Variants in MAP4 observed in about 807,000 individuals in gnomAD.
MAP4 encodes microtubule-associated protein 4.
A neutral mutation model predicts 170.2 loss-of-function variants in MAP4; 76 were observed. The ratio of observed to expected loss-of-function variants is 0.45; its 90% CI spans 0.37 to 0.54. The LOEUF is 0.54. Ranked by LOEUF, MAP4 falls within the 20% of genes least tolerant of loss-of-function variation. The pLI, the probability that MAP4 is intolerant of heterozygous loss-of-function variation, is 0.00. For missense variants in MAP4, 2,506 were observed against 2,748.0 expected (o/e 0.91, Z 1.97); for synonymous variants, 909 against 994.5 (o/e 0.91, Z 1.62).
At chr3:47,993,568 C>T (rs2100093640) in intron 2 of MAP4, among the ~76,000 whole-genome samples, 1 of 152,174 alleles carries the variant, frequency 6.6e-6, no homozygotes, top group Admixed American at 6.5e-5. Context: ...TGGTTGCATC[C>T]AGATGAGCTG....
chr3:47,896,490 T>C (rs532391639), intron 10 of MAP4, among the ~76,000 whole-genome samples: 1 of 152,046 alleles, frequency 6.6e-6, no homozygotes, highest in Admixed American at 6.5e-5. Flanking sequence ...GATCATGCCA[T>C]TGCACTCCAG....
intron 5 of MAP4, among the ~76,000 whole-genome samples, chr3:47,920,568 T>A (rs866263765): frequency 0.055 from 5,124 of 93,294 alleles, 313 homozygotes; most frequent in African/African-American, 0.19. Flanking sequence ...TTTTTTTTTT[T>A]AAGACAGGGT....
intron 1 of MAP4, among the ~76,000 whole-genome samples, chr3:48,066,299 AACTC>A (rs1235434087): frequency 6.6e-6 from 1 of 152,142 alleles, no homozygotes; most frequent in Non-Finnish European, 1.5e-5. Context: ...AACATGAGGA[AACTC>A]ACTATCTTAT....
At chr3:47,926,651 C>T (rs2100046166) in intron 4 of MAP4, among the ~76,000 whole-genome samples, 1 of 152,190 alleles carries the variant, frequency 6.6e-6, no homozygotes, top group African/African-American at 2.4e-5. Context: ...TCCCCCACCC[C>T]AGCCTCCCGA....
At chr3:47,860,556 G>A (rs1185699761) in intron 17 of MAP4, among the ~76,000 whole-genome samples, 1 of 152,178 alleles carries the variant, frequency 6.6e-6, no homozygotes, top group African/African-American at 2.4e-5. Context: ...CTTTTGTCTA[G>A]TATGCAATTA....
chr3:47,940,075 T>C (rs2100055332), intron 3 of MAP4, among the ~76,000 whole-genome samples: 2 of 152,094 alleles, frequency 1.3e-5, no homozygotes, highest in Non-Finnish European at 2.9e-5. Context: ...TGACCTCAGG[T>C]GAGCCACCCG....
At chr3:47,951,516 G>A (rs2100063838) in intron 3 of MAP4, among the ~76,000 whole-genome samples, 1 of 152,222 alleles carries the variant, frequency 6.6e-6, no homozygotes, top group Admixed American at 6.5e-5. Flanking sequence ...CGCCTGACTG[G>A]TTTTCGTATT....
At chr3:48,071,446 G>A (rs2100140984) in intron 1 of MAP4, among the ~76,000 whole-genome samples, 1 of 152,032 alleles carries the variant, frequency 6.6e-6, no homozygotes, top group South Asian at 2.1e-4. Flanking sequence ...TACCCATAAG[G>A]CTGAAGTTGG....
rs554579879 is a variant in MAP4 at position 47,857,913 on chromosome 3, T to C, written c.6502-401A>G. Among the ~76,000 whole-genome samples, 95 of 152,202 alleles carry C rather than the reference T, an allele frequency of 6.2e-4. 1 individual carries two copies. Among genetic ancestry groups the C allele is most frequent in the Non-Finnish European group, 1.1e-3 (74 of 68,002 alleles). On this transcript the variant is annotated intron_variant, in intron 17 of 20. Transcript: ENST00000683076. ...TTAGTAGAGACAAGGTTTCACCATG[T>C]TGGCCAGGCTGGTCTCGAACTCCTG...
intron 3 of MAP4, among the ~76,000 whole-genome samples, chr3:47,934,167 G>A (rs2100051454): frequency 6.6e-6 from 1 of 152,184 alleles, no homozygotes; most frequent in Non-Finnish European, 1.5e-5. Flanking sequence ...TAATCTACTG[G>A]TGGTGACCAG....
At chr3:47,876,818 T>G (rs2095530695) in intron 11 of MAP4, 1 of 152,222 alleles carries the variant, frequency 6.6e-6, no homozygotes, top group Non-Finnish European at 1.5e-5. Flanking sequence ...GAGATAATAG[T>G]AAATAATTCA....
intron 17 of MAP4, 113 bp from the exon 18 acceptor site, chr3:47,857,625 G>T: frequency 1.4e-6 from 1 of 716,242 alleles, no homozygotes. Context: ...CCCTCTGTAA[G>T]CTGCTATCTC....
chr3:47,930,885 C>A (rs546421850), intron 3 of MAP4, among the ~76,000 whole-genome samples: 45 of 148,578 alleles, frequency 3.0e-4, no homozygotes, highest in Admixed American at 2.8e-3. Flanking sequence ...GCGGAGATCA[C>A]GCCACTGCAC....
chr3:47,993,655 C>G (rs1345630976), intron 2 of MAP4, among the ~76,000 whole-genome samples: 1 of 152,196 alleles, frequency 6.6e-6, no homozygotes, highest in Non-Finnish European at 1.5e-5. Context: ...AGAATTGTAA[C>G]AGGAGATGAA....
intron 3 of MAP4, among the ~76,000 whole-genome samples, chr3:47,972,802 C>T (rs1435157417): frequency 6.6e-6 from 1 of 151,600 alleles, no homozygotes; most frequent in Non-Finnish European, 1.5e-5. Flanking sequence ...AGGAGAATGG[C>T]GTGAACCCGG....
chr3:48,036,393 C>T (rs1018173829), intron 1 of MAP4, among the ~76,000 whole-genome samples: 17 of 152,228 alleles, frequency 1.1e-4, no homozygotes, highest in African/African-American at 3.9e-4. Context: ...ACACGTGAAA[C>T]TGCCACACAT....
At chr3:47,981,130 T>C (rs924118084) in intron 2 of MAP4, among the ~76,000 whole-genome samples, 1 of 152,210 alleles carries the variant, frequency 6.6e-6, no homozygotes. Flanking sequence ...AGAATGTTTA[T>C]GATGGCACTG....
intron 3 of MAP4, chr3:47,975,064 C>T (rs1172153433): frequency 9.6e-7 from 1 of 1,038,230 alleles, no homozygotes; most frequent in Non-Finnish European, 1.2e-6. Context: ...TCATGTTGAA[C>T]ATTTGAAAAC....
At chr3:48,042,821 AAAGGG>A (rs1275323500) in intron 1 of MAP4, among the ~76,000 whole-genome samples, 7 of 152,244 alleles carry the variant, frequency 4.6e-5, no homozygotes, top group Non-Finnish European at 1.0e-4. Context: ...TTCAGCCATA[AAAGGG>A]AATAAAGTCC....
Sources: gnomAD v4.1 joint callset for allele counts (sites outside exome capture counted in the v4.1 genomes callset) on GRCh38, gnomAD v4.1.1 for gene constraint, MANE v1.5 for transcripts, NCBI Gene and HGNC (gene_info 2026-07-23, HGNC 2026-07-21) for gene names.